ITGB4: variants seen among roughly 807,000 people sequenced by gnomAD.
The protein encoded by ITGB4 is integrin subunit beta 4.
A neutral mutation model predicts 207.6 loss-of-function variants in ITGB4; 159 were observed. The observed-to-expected ratio is 0.77, with a 90% confidence interval of 0.67 to 0.87. The LOEUF (loss-of-function observed/expected upper bound fraction) is 0.87, where lower values mean the gene tolerates loss of function less well. Among genes scored for constraint, ITGB4 ranks in the 40% least tolerant of loss-of-function variants. The pLI, the probability that ITGB4 is intolerant of heterozygous loss-of-function variation, is 0.00. For synonymous variants in ITGB4, 1,020 were observed against 1,062.7 expected, an observed-to-expected ratio of 0.96 and a Z score of 0.78; for missense variants, 2,278 against 2,546.8, an observed-to-expected ratio of 0.89 and a Z score of 2.27.
intron 34 of ITGB4, 176 bp downstream of exon 34, chr17:75,754,991 C>A: frequency 6.5e-7 from 1 of 1,539,240 alleles, no homozygotes; most frequent in Non-Finnish European, 8.9e-7. Context: ...GACATGCATG[C>A]GCACACGTAC....
At chr17:75,728,245 A>G (rs965480974) in intron 5 of ITGB4, 132 bp from the exon 6 acceptor site, 2 of 744,306 alleles carry the variant, frequency 2.7e-6, no homozygotes, top group Non-Finnish European at 4.8e-6. Context: ...TGTTGTGAGC[A>G]TGAACCTTTG....
rs972245803 is a variant in ITGB4 at position 75,727,042 on chromosome 17, C to A, written c.80-153C>A. Among the ~76,000 whole-genome samples, 1 of 152,182 alleles carries A rather than the reference C, an allele frequency of 6.6e-6. No homozygotes were observed. Among genetic ancestry groups the A allele is most frequent in the African/African-American group, 2.4e-5 (1 of 41,438 alleles). ...GAGCCAGGATCACGCCACTGCACTC[C>A]AGCCTGGGCAACAGAGCGAGACTCT... On this transcript the variant is annotated intron_variant, in intron 2 of 39. Coordinates refer to ENST00000200181, the MANE Select transcript of ITGB4 (RefSeq NM_000213.5). This position sits in a 1 kb window ranked among gnomAD's most constrained non-coding sequence, Gnocchi z 6.0.
chr17:75,740,399 G>A lies in ITGB4; in HGVS notation c.2488G>A (p.Glu830Lys), dbSNP rs778174801. Residue 830 changes from glutamate (E) to lysine (K), a missense_variant, in exon 21 of 40, where the codon GAG (glutamate) becomes AAG (lysine). Glu to Lys is a moderately conservative substitution (Grantham distance 56). Transcript: ENST00000200181. The surrounding 1 kb of genome is among the most constrained non-coding windows in gnomAD (Gnocchi z 5.9). The part of the protein sequence containing the change: ...LSLRLARLCT[E>K]NLLKPDTREC... Reference sequence around the variant, plus strand: ...CTTGCGCCTGGCCCGCCTTTGCACCGAGAACCTGCTGAAGCCTGACACTCG... The same window carrying A: ...CTTGCGCCTGGCCCGCCTTTGCACCAAGAACCTGCTGAAGCCTGACACTCG... The A allele has an allele frequency of 4.9e-5, 79 of 1,613,712 alleles. No homozygotes were observed. The highest frequency in any genetic ancestry group is 6.5e-5 in the Non-Finnish European group (77 of 1,180,026).
rs201494421 is a variant in ITGB4, at chr17:75,730,256, C to A, written c.754C>A (p.Arg252Ser). 3.7e-6 allele frequency: 6 copies of A among 1,612,004 alleles called. No individual in the cohort carries two copies. The East Asian group carries it at 1.3e-4, about 36-fold the overall frequency. ...TAVCTRDIGW[R>S]PDSTHLLVFS... Reference sequence around the variant, plus strand: ...CCTTCCCCAGAGGGACATTGGCTGGCGCCCGGACAGCACCCACCTGCTGGT... The same window carrying A: ...CCTTCCCCAGAGGGACATTGGCTGGAGCCCGGACAGCACCCACCTGCTGGT... Residue 252 changes from arginine to serine, a missense_variant, in exon 8 of 40, where the codon CGC becomes AGC. Physicochemically the swap from Arg to Ser is moderately radical, Grantham distance 110. Transcript: ENST00000200181.
chr17:75,741,178 C>A, intron 23 of ITGB4, 173 bp downstream of exon 23: 1 of 783,274 alleles, frequency 1.3e-6, no homozygotes. Context: ...TCAACAAATG[C>A]TAATGTGAAG....
At position 75,739,754 on chromosome 17, in the gene ITGB4, T is replaced by C. The variant is rs1949290150; in HGVS notation, c.2254+49T>C. The stretch of plus-strand genomic sequence containing the variant: ...CAGCAGGGGCTCTGACTGCTCTTTC[T>C]CTGAGCTGGGGTGGAGGGAAGCTGA... On this transcript the variant is annotated intron_variant, in intron 19 of 39. Transcript: ENST00000200181. The surrounding 1 kb of genome is among the most constrained non-coding windows in gnomAD (Gnocchi z 5.4). 6.2e-7 allele frequency: 1 copy of C among 1,613,138 alleles called. No individual in the cohort carries two copies. The highest frequency in any genetic ancestry group is 8.5e-7 in the Non-Finnish European group (1 of 1,179,240).
chr17:75,724,700 G>T lies in ITGB4; in HGVS notation c.-4G>T, dbSNP rs1192419267. On this transcript the variant is annotated 5_prime_UTR_variant, in exon 2 of 40. Coordinates refer to ENST00000200181, the MANE Select transcript of ITGB4 (RefSeq NM_000213.5). ...AATTGTTGCTGTTCTGCAGGAGGAA[G>T]AGGATGGCAGGGCCACGCCCCAGCC... 2.5e-6 allele frequency: 4 copies of T among 1,613,038 alleles called. No individual in the cohort carries two copies. The highest frequency in any genetic ancestry group is 3.4e-6 in the Non-Finnish European group (4 of 1,179,288).
Position 75,750,892 on chromosome 17 carries a change from C to T in ITGB4, c.3655+32C>T. On this transcript the variant is annotated intron_variant, in intron 29 of 39. Coordinates refer to ENST00000200181, the MANE Select transcript of ITGB4 (RefSeq NM_000213.5). This position sits in a 1 kb window ranked among gnomAD's most constrained non-coding sequence, Gnocchi z 5.5. ...CCTCGCCATGTCTGTCCATTTGTCCCCTGGCTGCCCTGATGCCAGCATGCC... is the reference window on the plus strand; with the variant it reads ...CCTCGCCATGTCTGTCCATTTGTCCTCTGGCTGCCCTGATGCCAGCATGCC... 3.1e-6 allele frequency: 5 copies of T among 1,613,350 alleles called. No individual in the cohort carries two copies. The highest frequency in any genetic ancestry group is 3.4e-6 in the Non-Finnish European group (4 of 1,179,946).
chr17:75,754,334 G>A (rs1279476018), intron 33 of ITGB4: 3 of 603,874 alleles, frequency 5.0e-6, no homozygotes, highest in South Asian at 2.0e-5. Flanking sequence ...CACTGCCAGG[G>A]TCAGCAGTGC....
Position 75,727,447 on chromosome 17 carries a change from C to T in ITGB4, c.206C>T (p.Ala69Val), listed in dbSNP as rs1312234220. The T allele has an allele frequency of 1.2e-6, 2 of 1,613,968 alleles. No individual in the cohort carries two copies. Among genetic ancestry groups the T allele is most frequent in the Admixed American group, 1.7e-5 (1 of 60,026 alleles). The part of the protein sequence containing the change: ...RRCNTQAELL[A>V]AGCQRESIVV... ...TGCAACACCCAGGCGGAGCTGCTGG[C>T]CGCGGGCTGCCAGCGGGAGAGCATC... Residue 69 changes from alanine to valine, a missense_variant, in exon 4 of 40, where the codon GCC (alanine) becomes GTC (valine). Ala to Val is a moderately conservative substitution (Grantham distance 64, BLOSUM62 0). Coordinates refer to ENST00000200181, the MANE Select transcript of ITGB4 (RefSeq NM_000213.5). The surrounding 1 kb of genome is among the most constrained non-coding windows in gnomAD (Gnocchi z 6.0).
At position 75,727,153 on chromosome 17, in the gene ITGB4, C is replaced by T; in HGVS notation, c.80-42C>T. On this transcript the variant is annotated intron_variant, in intron 2 of 39. Transcript: ENST00000200181. This position sits in a 1 kb window ranked among gnomAD's most constrained non-coding sequence, Gnocchi z 6.0. ...GCAGGTGGGAAAGTGCTTGCCTTTG[C>T]TGAGCGCCTCCCCATTCATGTGCCC... 6.4e-7 allele frequency: 1 copy of T among 1,569,610 alleles called. No homozygotes were observed. The highest frequency in any genetic ancestry group is 8.8e-7 in the Non-Finnish European group (1 of 1,142,008).
chr17:75,724,653 G>A lies in ITGB4; in HGVS notation c.-10-41G>A, dbSNP rs750788497. On this transcript the variant is annotated intron_variant, in intron 1 of 39. Coordinates refer to ENST00000200181, the MANE Select transcript of ITGB4 (RefSeq NM_000213.5). ...AGAGGAAGCTGACGGCACCGACCATGGCTGTGGAGGCCTCATGTGTCAATT... is the reference window on the plus strand; with the variant it reads ...AGAGGAAGCTGACGGCACCGACCATAGCTGTGGAGGCCTCATGTGTCAATT... 27 of 1,409,898 alleles carry A rather than the reference G, an allele frequency of 1.9e-5. No homozygotes were observed. In the Middle Eastern group the frequency reaches 1.4e-3, roughly 73 times the overall value. The allele number at this position is 1,409,898 out of a possible 1,614,324, so 87.3% of individuals were successfully genotyped here.
In ITGB4 at chr17:75,752,434, C is replaced by G. The variant is rs781590331; in HGVS notation, c.3977-12C>G. The stretch of plus-strand genomic sequence containing the variant: ...AGCAGCCAGGGCCCTGGCTCACTCC[C>G]CTGCCCTGCAGTCCCCATCATCCCT... On this transcript the variant is annotated splice_polypyrimidine_tract_variant and intron_variant, in intron 31 of 39. Transcript: ENST00000200181. The G allele has an allele frequency of 6.8e-6, 11 of 1,613,024 alleles. No individual in the cohort carries two copies. The highest frequency in any genetic ancestry group is 8.5e-6 in the Non-Finnish European group (10 of 1,179,912).
Position 75,742,256 on chromosome 17 carries a change from G to C in ITGB4, c.2634-85G>C. On this transcript the variant is annotated intron_variant, in intron 23 of 39. Coordinates refer to ENST00000200181, the MANE Select transcript of ITGB4 (RefSeq NM_000213.5). This position sits in a 1 kb window ranked among gnomAD's most constrained non-coding sequence, Gnocchi z 5.9. Reference sequence around the variant, plus strand: ...CTTGCTGTCTTACATCCTGGCCCCTGAAGGGGAGAAGACAGGCAGGAGGGA... The same window carrying C: ...CTTGCTGTCTTACATCCTGGCCCCTCAAGGGGAGAAGACAGGCAGGAGGGA... 1 of 1,550,670 alleles carries C rather than the reference G, an allele frequency of 6.4e-7. No individual in the cohort carries two copies.
chr17:75,754,055 C>T, intron 33 of ITGB4, 81 bp downstream of exon 33: 1 of 654,544 alleles, frequency 1.5e-6, no homozygotes, highest in Non-Finnish European at 2.2e-6. Context: ...GGCGTCTGCG[C>T]TGCCTCGGGG....
At chr17:75,749,898 T>G (rs375390513) in intron 27 of ITGB4, among the ~76,000 whole-genome samples, 2 of 152,298 alleles carry the variant, frequency 1.3e-5, no homozygotes, top group East Asian at 1.9e-4. Context: ...CCCGCTTCTG[T>G]TCCTCCAGAG....
rs573918026 is a variant in ITGB4, at chr17:75,728,523, A to AC, written c.566+55dup. The AC allele has an allele frequency of 2.6e-3, 3,530 of 1,381,568 alleles. 9 individuals carry two copies. The highest frequency in any genetic ancestry group is 3.2e-3 in the Non-Finnish European group (3,141 of 969,558). 85.6% of individuals were successfully genotyped at this position (1,381,568 alleles called of 1,614,324 possible). On this transcript the variant is annotated intron_variant, in intron 6 of 39. Coordinates refer to ENST00000200181, the MANE Select transcript of ITGB4 (RefSeq NM_000213.5). ...GGTGGGCAAGGGTCCAGGCCATGTG[A>AC]CCCCCACTCCTCTTTCACCCACAAC... is the stretch of plus-strand genomic sequence containing the variant.
chr17:75,754,830 C>T lies in ITGB4; in HGVS notation c.4558+15C>T. On this transcript the variant is annotated intron_variant, in intron 34 of 39. Coordinates refer to ENST00000200181, the MANE Select transcript of ITGB4 (RefSeq NM_000213.5). ...CTCCTCCCACGGTGAGTGACCTCAG[C>T]CAACCCTGCCTCTCCCACTAACCCT... The T allele has an allele frequency of 6.2e-7, 1 of 1,613,908 alleles. No individual in the cohort carries two copies. The highest frequency in any genetic ancestry group is 8.5e-7 in the Non-Finnish European group (1 of 1,179,968).
intron 34 of ITGB4, chr17:75,755,103 G>C: frequency 1.2e-6 from 2 of 1,605,794 alleles, no homozygotes; most frequent in Non-Finnish European, 1.7e-6. Flanking sequence ...CCGCTGTCCT[G>C]GGCCCTGGGG....
Sources: allele counts gnomAD v4.1 joint callset (sites outside exome capture counted in the v4.1 genomes callset), GRCh38; gene constraint gnomAD v4.1.1; non-coding constraint Gnocchi (gnomAD v3.1); transcripts MANE v1.5; gene names NCBI Gene and HGNC (gene_info 2026-07-23, HGNC 2026-07-21).